SLC44A5: variants seen among roughly 807,000 people sequenced by gnomAD.
SLC44A5 encodes the protein choline transporter-like protein 5.
In SLC44A5, 57 loss-of-function variants were observed where a neutral mutation model predicts 101.8. The observed-to-expected ratio is 0.56, with a 90% CI of 0.45 to 0.70. The LOEUF (loss-of-function observed/expected upper bound fraction) is 0.70, where lower values mean the gene tolerates loss of function less well. Among genes scored for constraint, SLC44A5 ranks in the 30% least tolerant of loss-of-function variants. SLC44A5 has a pLI of 0.00. For missense variants in SLC44A5, 737 were observed against 853.1 expected (o/e 0.86, Z 1.70); for synonymous variants, 281 against 290.9 (o/e 0.97, Z 0.35).
chr1:75,249,760 A>G (rs1649406463), intron 7 of SLC44A5, among the ~76,000 whole-genome samples: 2 of 152,186 alleles, frequency 1.3e-5, no homozygotes, highest in African/African-American at 4.8e-5. Flanking sequence ...TTGAGTTAAA[A>G]ACAGTACTAC....
chr1:75,696,719 C>A, the SLC44A5 span, among the ~76,000 whole-genome samples: 1 of 150,792 alleles, frequency 6.6e-6, no homozygotes, highest in Middle Eastern at 3.4e-3. Flanking sequence ...CATGGTGAAA[C>A]CCCGTCTCTA....
chr1:75,666,360 C>T, the SLC44A5 span, among the ~76,000 whole-genome samples: 2 of 152,042 alleles, frequency 1.3e-5, no homozygotes, highest in Admixed American at 6.6e-5. Flanking sequence ...CACATACACC[C>T]TCCCAAATTC....
Position 75,298,731 on chromosome 1 carries a change from C to T in SLC44A5, c.175+1881G>A, listed in dbSNP as rs138495206. ...CTGTGTGCAGTCAAACTTTAATAGA[C>T]CAAATTATGGGTTGCCATGGAAATA... On this transcript the variant is annotated intron_variant, in intron 5 of 23. Coordinates refer to ENST00000370859, the MANE Select transcript of SLC44A5 (RefSeq NM_001130058.2). 1.9e-3 allele frequency among the ~76,000 whole-genome samples: 286 copies of T among 152,030 alleles called. 1 individual carries two copies. The highest frequency in any genetic ancestry group is 6.6e-3 in the African/African-American group (275 of 41,468).
intron 1 of SLC44A5, among the ~76,000 whole-genome samples, chr1:75,596,667 T>TAAACAGAGCTAATGCAAATGCAA (rs1674654234): frequency 6.6e-6 from 1 of 152,144 alleles, no homozygotes; most frequent in African/African-American, 2.4e-5. Flanking sequence ...TCAATAGTGA[T>TAAACAGAGCTAATGCAAATGCAA]TCATCACATA....
chr1:75,202,490 G>T lies in SLC44A5; in HGVS notation c.*1237C>A, dbSNP rs1052414906. 4 of 152,082 alleles carry T rather than the reference G, an allele frequency of 2.6e-5. No homozygotes were observed. The highest frequency in any genetic ancestry group is 5.9e-5 in the Non-Finnish European group (4 of 68,010). 9.4% of individuals were successfully genotyped at this position (152,082 alleles called of 1,614,324 possible). A position where few individuals can be genotyped will look rare whatever the true frequency, so the allele number is the denominator to read the frequency against. ...TGTAACAAACACTGAGTAACCAACT[G>T]AATTAATTTCCTTAAAAGTTAGTAG... On this transcript the variant is annotated 3_prime_UTR_variant, in exon 24 of 24. Transcript: ENST00000370859.
chr1:75,427,618 G>A (rs893835270), intron 2 of SLC44A5, among the ~76,000 whole-genome samples: 3 of 152,172 alleles, frequency 2.0e-5, no homozygotes, highest in African/African-American at 7.2e-5. Flanking sequence ...TAGTGGTTAA[G>A]AGCATGGACT....
chr1:75,498,402 A>G (rs909489340), intron 2 of SLC44A5, among the ~76,000 whole-genome samples: 1 of 152,184 alleles, frequency 6.6e-6, no homozygotes, highest in South Asian at 2.1e-4. Flanking sequence ...CTAAAATTTG[A>G]TATTACTTCA....
rs560234135 is a variant in SLC44A5 at position 75,516,512 on chromosome 1, G to A, written c.13+24923C>T. 3.9e-5 allele frequency among the ~76,000 whole-genome samples: 6 copies of A among 152,096 alleles called. No individual in the cohort carries two copies. In the South Asian group the frequency reaches 1.0e-3, roughly 26 times the overall value. On this transcript the variant is annotated intron_variant, in intron 2 of 23. Coordinates refer to ENST00000370859, the MANE Select transcript of SLC44A5 (RefSeq NM_001130058.2). The stretch of plus-strand genomic sequence containing the variant: ...AGCCTGGGGGACAGAGCAAGATTCC[G>A]TCTTACTAAAAAAAATTAAAAATAA...
At chr1:75,263,031 G>C (rs906415734) in intron 6 of SLC44A5, among the ~76,000 whole-genome samples, 1 of 152,056 alleles carries the variant, frequency 6.6e-6, no homozygotes, top group East Asian at 1.9e-4. Context: ...AAAAACCCTA[G>C]ACAAAAACTT....
At chr1:75,390,920 G>C (rs1249580344) in intron 3 of SLC44A5, among the ~76,000 whole-genome samples, 3 of 152,058 alleles carry the variant, frequency 2.0e-5, no homozygotes, top group African/African-American at 7.2e-5. Flanking sequence ...CTCCACTGAA[G>C]ATAGAACTCG....
At chr1:75,478,503 A>AT (rs1667590220) in intron 2 of SLC44A5, among the ~76,000 whole-genome samples, 1 of 152,146 alleles carries the variant, frequency 6.6e-6, no homozygotes, top group African/African-American at 2.4e-5. Context: ...TATTCAGGAA[A>AT]CCCATCTCAC....
chr1:75,593,560 C>T (rs544860828), intron 1 of SLC44A5, among the ~76,000 whole-genome samples: 2 of 152,128 alleles, frequency 1.3e-5, no homozygotes, highest in South Asian at 2.1e-4. Flanking sequence ...GCATTGTTTA[C>T]AATAGCTAAG....
intron 1 of SLC44A5, among the ~76,000 whole-genome samples, chr1:75,600,555 T>C (rs1272553224): frequency 1.3e-5 from 2 of 152,198 alleles, no homozygotes; most frequent in Non-Finnish European, 2.9e-5. Context: ...TTTTAAGTAG[T>C]TTATAAAAAT....
chr1:75,528,456 T>C (rs1670543910), intron 2 of SLC44A5, among the ~76,000 whole-genome samples: 1 of 152,084 alleles, frequency 6.6e-6, no homozygotes, highest in Non-Finnish European at 1.5e-5. Context: ...AAATTAAGAG[T>C]ATACAACTTT....
chr1:75,299,988 C>G (rs942998492), intron 5 of SLC44A5, among the ~76,000 whole-genome samples: 1 of 135,366 alleles, frequency 7.4e-6, no homozygotes, highest in Non-Finnish European at 1.5e-5. Flanking sequence ...TGCACTCCAG[C>G]CTGGGAACAC....
chr1:75,675,904 T>A, the SLC44A5 span, among the ~76,000 whole-genome samples: 1 of 152,146 alleles, frequency 6.6e-6, no homozygotes, highest in East Asian at 1.9e-4. Flanking sequence ...GAACAGATGC[T>A]TTTCAAAACA....
At chr1:75,266,461 A>T (rs943413747) in intron 6 of SLC44A5, among the ~76,000 whole-genome samples, 1 of 152,204 alleles carries the variant, frequency 6.6e-6, no homozygotes, top group Non-Finnish European at 1.5e-5. Flanking sequence ...AGTTCACTGC[A>T]ACTGTCTGTG....
chr1:75,351,846 C>CAAAAAAAAAA (rs71071942), intron 3 of SLC44A5, among the ~76,000 whole-genome samples: 1 of 28,400 alleles, frequency 3.5e-5, no homozygotes, highest in African/African-American at 1.3e-4. Context: ...CACACTTTAC[C>CAAAAAAAAAA]AAAAAAAAAA....
the SLC44A5 span, among the ~76,000 whole-genome samples, chr1:75,632,916 C>T: frequency 3.3e-5 from 5 of 152,088 alleles, no homozygotes; most frequent in South Asian, 4.2e-4. Flanking sequence ...AAACAGTTCC[C>T]GAAAACAGCA....
Sources: allele counts gnomAD v4.1 joint callset (sites outside exome capture counted in the v4.1 genomes callset), GRCh38; gene constraint gnomAD v4.1.1; transcripts MANE v1.5; gene names NCBI Gene and HGNC (gene_info 2026-07-23, HGNC 2026-07-21).